Variants in NEDD4 observed in about 807,000 individuals in gnomAD.
NEDD4 encodes the protein NEDD4 E3 ubiquitin protein ligase.
NEDD4 carries 99 observed loss-of-function variants against 144.9 expected under a neutral mutation model. The ratio of observed to expected loss-of-function variants is 0.68; its 90% confidence interval spans 0.58 to 0.81. The LOEUF (loss-of-function observed/expected upper bound fraction) is 0.81, where lower values mean the gene tolerates loss of function less well. Ranked by LOEUF, NEDD4 falls within the 30% of genes least tolerant of loss-of-function variation. The probability of loss-of-function intolerance (pLI) is 0.00; values close to 1 mark genes in which losing one functional copy is unlikely to be tolerated. For missense variants in NEDD4, 985 were observed against 1,065.9 expected (o/e 0.92, Z 1.06); for synonymous variants, 318 against 350.6 (o/e 0.91, Z 1.04).
intron 4 of NEDD4, among the ~76,000 whole-genome samples, chr15:55,942,663 T>C (rs1191230544): frequency 1.3e-5 from 2 of 152,330 alleles, no homozygotes; most frequent in South Asian, 2.1e-4. Flanking sequence ...CCGTTTTCTT[T>C]ATAAACTGCT....
intron 5 of NEDD4, among the ~76,000 whole-genome samples, chr15:55,899,516 A>G (rs62043808): frequency 0.14 from 21,855 of 152,214 alleles, 1,713 homozygotes; most frequent in East Asian, 0.36. Context: ...ATAACTCAAC[A>G]AACCCCTTTA....
At chr15:55,848,624 A>C (rs753078904) in intron 15 of NEDD4, 49 bp from the exon 16 acceptor site, 62 of 1,508,476 alleles carry the variant, frequency 4.1e-5, no homozygotes, top group Non-Finnish European at 5.4e-5. Flanking sequence ...GGCGTAGATG[A>C]ATGGATAGAA....
chr15:55,839,033 AT>A lies in NEDD4; in HGVS notation c.2032-430del, dbSNP rs36010044. Among the ~76,000 whole-genome samples, 493 of 145,808 alleles carry A rather than the reference AT, an allele frequency of 3.4e-3. 3 individuals are homozygous for A. Among genetic ancestry groups the A allele is most frequent in the East Asian group, 7.6e-3 (38 of 5,016 alleles). On this transcript the variant is annotated intron_variant, in intron 21 of 28. Transcript: ENST00000435532. ...TGTTTTATTTTTATTTTTTAATTTA[AT>A]TTTTTTTTTTTTGAGACAGGGTCTC...
chr15:55,950,222 C>A (rs1391942248), intron 4 of NEDD4, among the ~76,000 whole-genome samples: 1 of 152,090 alleles, frequency 6.6e-6, no homozygotes, highest in Non-Finnish European at 1.5e-5. Flanking sequence ...TCCAAAATTT[C>A]CAAACCGATT....
chr15:55,852,725 T>TATATA, intron 12 of NEDD4, among the ~76,000 whole-genome samples, 182 bp from the exon 13 acceptor site: 1 of 134,500 alleles, frequency 7.4e-6, no homozygotes, highest in Admixed American at 7.2e-5. Flanking sequence ...ATATATATAT[T>TATATA]TACCTTTTCT....
At chr15:55,915,158 C>A in intron 5 of NEDD4, 1 of 766,522 alleles carries the variant, frequency 1.3e-6, no homozygotes, top group Non-Finnish European at 2.0e-6. Flanking sequence ...TTTATGACTA[C>A]AAAATACTGC....
chr15:55,966,587 A>G (rs67192017), intron 1 of NEDD4, 41 bp from the exon 2 acceptor site: 154,290 of 1,153,166 alleles, frequency 0.13, 10,683 homozygotes, highest in East Asian at 0.32. Context: ...ATGTACTTAT[A>G]AGTTAACTAA....
At chr15:55,843,244 C>T (rs907775932) in intron 18 of NEDD4, among the ~76,000 whole-genome samples, 5 of 152,158 alleles carry the variant, frequency 3.3e-5, no homozygotes, top group Admixed American at 1.3e-4. Context: ...AGCATGAAAA[C>T]GGACTAAAAC....
chr15:55,837,529 C>T (rs1385723474), intron 24 of NEDD4, among the ~76,000 whole-genome samples: 2 of 151,752 alleles, frequency 1.3e-5, no homozygotes, highest in Non-Finnish European at 2.9e-5. Context: ...ATCCCTAAAG[C>T]ACTCTTGTTC....
At chr15:55,973,748 C>T (rs1348975966) in intron 1 of NEDD4, among the ~76,000 whole-genome samples, 2 of 150,928 alleles carry the variant, frequency 1.3e-5, no homozygotes, top group Non-Finnish European at 3.0e-5. Flanking sequence ...GGAAACACAA[C>T]ATAGCAAACC....
intron 4 of NEDD4, among the ~76,000 whole-genome samples, chr15:55,944,010 T>G (rs2037058755): frequency 6.6e-6 from 1 of 152,162 alleles, no homozygotes; most frequent in Non-Finnish European, 1.5e-5. Context: ...AGCTTTAAGA[T>G]GTAATGATTG....
intron 13 of NEDD4, among the ~76,000 whole-genome samples, chr15:55,852,102 C>T (rs1305321858): frequency 6.6e-6 from 1 of 151,756 alleles, no homozygotes; most frequent in Non-Finnish European, 1.5e-5. Context: ...TTCAGATCAG[C>T]CTGGCCAACA....
intron 5 of NEDD4, among the ~76,000 whole-genome samples, chr15:55,879,798 T>C (rs779049525): frequency 1.2e-4 from 19 of 152,062 alleles, no homozygotes; most frequent in Non-Finnish European, 2.4e-4. Context: ...AGTTAGAAGA[T>C]AGAGTTAAAA....
intron 9 of NEDD4, 109 bp from the exon 10 acceptor site, chr15:55,860,887 T>C: frequency 2.2e-6 from 2 of 925,826 alleles, no homozygotes. Context: ...AATAAAAAAA[T>C]TTATTGTCTT....
At position 55,851,475 on chromosome 15, in the gene NEDD4, C is replaced by T. The variant is rs543873994; in HGVS notation, c.1147-733G>A. 3.3e-5 allele frequency among the ~76,000 whole-genome samples: 5 copies of T among 150,824 alleles called. No individual in the cohort carries two copies. In the South Asian group the frequency reaches 8.4e-4, roughly 25 times the overall value. On this transcript the variant is annotated intron_variant, in intron 13 of 28. Coordinates refer to ENST00000435532, the MANE Select transcript of NEDD4 (RefSeq NM_006154.4). ...GCATATAAACAATATTTTACATTTT[C>T]TTTTCTGTTTTTTTTTTTCAGATGG... is the stretch of plus-strand genomic sequence containing the variant.
At chr15:55,961,465 G>GTATTATTATTATTATTATTAT (rs58665877) in intron 2 of NEDD4, among the ~76,000 whole-genome samples, 3 of 150,766 alleles carry the variant, frequency 2.0e-5, no homozygotes, top group East Asian at 2.0e-4. Flanking sequence ...TAAGTTTGTG[G>GTATTATTATTATTATTATTAT]TATTATTATT....
Position 55,827,550 on chromosome 15 carries a change from A to G in NEDD4, c.*2347T>C, listed in dbSNP as rs1469330784. ...TCTCATGCTTAGATAGTTCACAAAC[A>G]TAATATTTAAATAATTGTGGCAAAA... On this transcript the variant is annotated 3_prime_UTR_variant, in exon 29 of 29. Coordinates refer to ENST00000435532, the MANE Select transcript of NEDD4 (RefSeq NM_006154.4). 4 of 152,254 alleles carry G rather than the reference A, an allele frequency of 2.6e-5. No individual in the cohort carries two copies. The highest frequency in any genetic ancestry group is 2.6e-4 in the Admixed American group (4 of 15,288). 9.4% of individuals were successfully genotyped at this position (152,254 alleles called of 1,614,324 possible). A position where few individuals can be genotyped will look rare whatever the true frequency, so the allele number is the denominator to read the frequency against.
At chr15:55,954,144 T>C (rs2037295847) in intron 2 of NEDD4, among the ~76,000 whole-genome samples, 1 of 152,206 alleles carries the variant, frequency 6.6e-6, no homozygotes, top group Non-Finnish European at 1.5e-5. Context: ...TAATCAACAT[T>C]TTCCAGATAC....
chr15:55,964,008 G>A (rs1195217686), intron 2 of NEDD4, among the ~76,000 whole-genome samples: 1 of 151,984 alleles, frequency 6.6e-6, no homozygotes, highest in Admixed American at 6.6e-5. Context: ...TATATAAAGT[G>A]TCATATTTTT....
Sources: gnomAD v4.1 joint callset for allele counts (sites outside exome capture counted in the v4.1 genomes callset) on GRCh38, gnomAD v4.1.1 for gene constraint, MANE v1.5 for transcripts, NCBI Gene and HGNC (gene_info 2026-07-23, HGNC 2026-07-21) for gene names.